Variants in NMI observed in about 807,000 individuals in gnomAD.
NMI encodes the protein N-myc and STAT interactor, also known as N-myc-interactor.
NMI carries 39 observed loss-of-function variants against 34.3 expected under a neutral mutation model. The observed-to-expected ratio is 1.14, with a 90% CI of 0.88 to 1.49. NMI has a LOEUF of 1.49. Ranked by LOEUF, NMI falls within the 40% of genes most tolerant of loss-of-function variation. The pLI is 0.00. For missense variants in NMI, 339 were observed against 358.1 expected (o/e 0.95, Z 0.43); for synonymous variants, 113 against 120.3 (o/e 0.94, Z 0.40).
chr2:151,281,799 T>C lies in NMI; in HGVS notation c.177+149A>G, dbSNP rs570075233. On this transcript the variant is annotated intron_variant, in intron 3 of 7. Coordinates refer to ENST00000243346, the MANE Select transcript of NMI (RefSeq NM_004688.3). ...AATTCGTTCTACTATGAAGGAATCA[T>C]TGGGTTGTTTTCCATTTTGAACTAT... 5.6e-5 allele frequency: 35 copies of C among 628,762 alleles called. No individual in the cohort carries two copies. In the African/African-American group the frequency reaches 6.4e-4, roughly 11 times the overall value. 38.9% of individuals were successfully genotyped at this position (628,762 alleles called of 1,614,324 possible). A position where few individuals can be genotyped will look rare whatever the true frequency, so the allele number is the denominator to read the frequency against.
chr2:151,284,941 G>A lies in NMI; in HGVS notation c.-6-1987C>T, dbSNP rs369273189. On this transcript the variant is annotated intron_variant, in intron 1 of 7. Coordinates refer to ENST00000243346, the MANE Select transcript of NMI (RefSeq NM_004688.3). ...GAACACAGGAGTGTCAAAAAAAGAG[G>A]AGAGTCGCATAACACCCAGATCTTG... 2.0e-4 allele frequency among the ~76,000 whole-genome samples: 31 copies of A among 152,278 alleles called. No individual in the cohort carries two copies. The East Asian group carries it at 3.5e-3, about 17-fold the overall frequency.
chr2:151,279,218 A>C (rs944299533), intron 3 of NMI, among the ~76,000 whole-genome samples: 2 of 152,212 alleles, frequency 1.3e-5, no homozygotes, highest in Non-Finnish European at 2.9e-5. Flanking sequence ...GAAATTAAAA[A>C]TATATAATCC....
Position 151,275,635 on chromosome 2 carries a change from A to T in NMI, c.483T>A (p.Val161=), listed in dbSNP as rs1045125455. ...CACGCAATGTGTCAGGAATTTCAGT[A>T]ACATTGATTTTCATTTTAGAAACTT... ...YVEVSKMKIN[V]TEIPDTLRED... Residue 161 remains valine (V), a synonymous_variant, in exon 6 of 8, where the codon GTT becomes GTA. Transcript: ENST00000243346. 1 of 1,614,012 alleles carries T rather than the reference A, an allele frequency of 6.2e-7. No individual in the cohort carries two copies. Among genetic ancestry groups the T allele is most frequent in the African/African-American group, 1.3e-5 (1 of 74,918 alleles).
intron 1 of NMI, among the ~76,000 whole-genome samples, chr2:151,283,633 A>C (rs1252098951): frequency 6.6e-6 from 1 of 152,196 alleles, no homozygotes; most frequent in Non-Finnish European, 1.5e-5. Context: ...TTTGATTAAA[A>C]TATTTAATTC....
chr2:151,279,936 T>C (rs909926724), intron 3 of NMI, among the ~76,000 whole-genome samples: 1 of 151,972 alleles, frequency 6.6e-6, no homozygotes, highest in Non-Finnish European at 1.5e-5. Context: ...TGGCTCACAC[T>C]CGTAATCCCA....
In NMI at chr2:151,289,578, G is replaced by C. The variant is rs1343165744; in HGVS notation, c.-7+15C>G. On this transcript the variant is annotated intron_variant, in intron 1 of 7. Coordinates refer to ENST00000243346, the MANE Select transcript of NMI (RefSeq NM_004688.3). The stretch of plus-strand genomic sequence containing the variant: ...GCGGCGGGAGTGGCAGCCGGGGAAG[G>C]GACTCCCCACTCACCCGCGTCCGCC... 1 of 152,234 alleles carries C rather than the reference G, an allele frequency of 6.6e-6. No homozygotes were observed. Among genetic ancestry groups the C allele is most frequent in the Non-Finnish European group, 1.5e-5 (1 of 68,074 alleles). The allele number at this position is 152,234 out of a possible 1,614,324, so 9.4% of individuals were successfully genotyped here.
At chr2:151,280,516 T>C (rs887289868) in intron 3 of NMI, among the ~76,000 whole-genome samples, 1 of 152,204 alleles carries the variant, frequency 6.6e-6, no homozygotes, top group African/African-American at 2.4e-5. Flanking sequence ...AATGCAGAAA[T>C]ACCCAGTATA....
Position 151,275,473 on chromosome 2 carries a change from C to T in NMI, c.634+11G>A, listed in dbSNP as rs1193359376. On this transcript the variant is annotated intron_variant, in intron 6 of 7. Coordinates refer to ENST00000243346, the MANE Select transcript of NMI (RefSeq NM_004688.3). ...GCAGAGTGTCTGTTAACCTTCTACA[C>T]CCTTGAGTACCTCCAATCTCCACAA... The T allele has an allele frequency of 6.2e-7, 1 of 1,611,776 alleles. No homozygotes were observed. Among genetic ancestry groups the T allele is most frequent in the South Asian group, 1.1e-5 (1 of 91,000 alleles).
chr2:151,275,872 A>G lies in NMI; in HGVS notation c.341-8T>C, dbSNP rs1683286838. Reference sequence around the variant, plus strand: ...TTACCACATTTTGAGCAACTGAAAAATAATTCAGGAAGGAAGTATTAATTT... The same window carrying G: ...TTACCACATTTTGAGCAACTGAAAAGTAATTCAGGAAGGAAGTATTAATTT... On this transcript the variant is annotated splice_region_variant and splice_polypyrimidine_tract_variant and intron_variant, in intron 4 of 7. Coordinates refer to ENST00000243346, the MANE Select transcript of NMI (RefSeq NM_004688.3). 1 of 1,503,150 alleles carries G rather than the reference A, an allele frequency of 6.7e-7. No individual in the cohort carries two copies. 93.1% of individuals were successfully genotyped at this position (1,503,150 alleles called of 1,614,324 possible).
intron 1 of NMI, 149 bp downstream of exon 1, chr2:151,289,444 G>C (rs892017051): frequency 2.0e-5 from 3 of 152,258 alleles, no homozygotes; most frequent in Admixed American, 2.0e-4. Flanking sequence ...ACTCGGCTGC[G>C]GGCAGCTCCC....
intron 6 of NMI, among the ~76,000 whole-genome samples, chr2:151,273,607 C>G (rs1290501803): frequency 6.6e-6 from 1 of 152,208 alleles, no homozygotes; most frequent in Non-Finnish European, 1.5e-5. Flanking sequence ...CCTGCAACCT[C>G]CACCCCCCAG....
At chr2:151,289,317 A>C (rs1683575486) in intron 1 of NMI, among the ~76,000 whole-genome samples, 2 of 151,980 alleles carry the variant, frequency 1.3e-5, no homozygotes, top group South Asian at 4.1e-4. Context: ...TTTATGTTTC[A>C]ATTTCCTCAA....
intron 1 of NMI, among the ~76,000 whole-genome samples, chr2:151,287,467 C>T (rs1683523864): frequency 6.6e-6 from 1 of 152,078 alleles, no homozygotes; most frequent in African/African-American, 2.4e-5. Context: ...TTAGTCAATT[C>T]CTCAACCCAG....
chr2:151,288,492 C>G (rs1683549165), intron 1 of NMI, among the ~76,000 whole-genome samples: 1 of 152,168 alleles, frequency 6.6e-6, no homozygotes, highest in Non-Finnish European at 1.5e-5. Flanking sequence ...ACCCTGCCAA[C>G]ACTTTGATTT....
intron 1 of NMI, among the ~76,000 whole-genome samples, chr2:151,284,530 T>C (rs1000944218): frequency 7.2e-5 from 11 of 152,018 alleles, no homozygotes; most frequent in Non-Finnish European, 4.4e-5. Flanking sequence ...ACTCCTGGGC[T>C]CAAACAATCC....
At chr2:151,273,769 G>A (rs932143918) in intron 6 of NMI, among the ~76,000 whole-genome samples, 10 of 152,040 alleles carry the variant, frequency 6.6e-5, no homozygotes, top group African/African-American at 9.7e-5. Flanking sequence ...TGATCCACCC[G>A]CCTCCGCCTC....
intron 1 of NMI, among the ~76,000 whole-genome samples, chr2:151,287,863 T>C (rs143611378): frequency 6.6e-6 from 1 of 152,340 alleles, no homozygotes; most frequent in African/African-American, 2.4e-5. Context: ...GTATTTGTTG[T>C]ACTCAGGACA....
intron 3 of NMI, among the ~76,000 whole-genome samples, chr2:151,280,195 C>A (rs866434086): frequency 1.7e-3 from 233 of 136,282 alleles, no homozygotes; most frequent in Admixed American, 2.1e-3. Context: ...AACTCTGTTT[C>A]AAAAAAAAAA....
At chr2:151,281,676 G>C (rs1288919057) in intron 3 of NMI, among the ~76,000 whole-genome samples, 1 of 152,116 alleles carries the variant, frequency 6.6e-6, no homozygotes, top group Non-Finnish European at 1.5e-5. Context: ...TGTTAACATT[G>C]TGTTTATGAA....
Sources: gnomAD v4.1 joint callset for allele counts (sites outside exome capture counted in the v4.1 genomes callset) on GRCh38, gnomAD v4.1.1 for gene constraint, MANE v1.5 for transcripts, NCBI Gene and HGNC (gene_info 2026-07-23, HGNC 2026-07-21) for gene names.